The following POLR3F variants were observed in gnomAD, a reference collection of about 807,000 sequenced individuals.
POLR3F encodes the protein DNA-directed RNA polymerase III subunit RPC6.
In POLR3F, 31 loss-of-function variants were observed where a neutral mutation model predicts 43.6. The observed-to-expected ratio is 0.71, with a 90% confidence interval of 0.53 to 0.96. The LOEUF (loss-of-function observed/expected upper bound fraction) is 0.96, where lower values mean the gene tolerates loss of function less well. Among genes scored for constraint, POLR3F ranks in the 40% least tolerant of loss-of-function variants. The pLI is 0.00. For missense variants in POLR3F, 316 were observed against 391.7 expected, an observed-to-expected ratio of 0.81 and a Z score of 1.63; for synonymous variants, 114 against 132.5, an observed-to-expected ratio of 0.86 and a Z score of 0.96.
At chr20:18,481,158 A>G (rs759350037) in intron 7 of POLR3F, among the ~76,000 whole-genome samples, 5 of 152,144 alleles carry the variant, frequency 3.3e-5, no homozygotes, top group African/African-American at 4.8e-5. Context: ...AACTTGGCCT[A>G]TTGTTCCTCC....
At chr20:18,468,833 C>T in intron 1 of POLR3F, 111 bp from the exon 2 acceptor site, 1 of 659,826 alleles carries the variant, frequency 1.5e-6, no homozygotes, top group Non-Finnish European at 2.8e-6. Context: ...CCCAGATTGT[C>T]TGCCAAATGT....
intron 5 of POLR3F, among the ~76,000 whole-genome samples, chr20:18,478,296 G>C (rs1299514147): frequency 6.6e-6 from 1 of 151,474 alleles, no homozygotes; most frequent in Non-Finnish European, 1.5e-5. Flanking sequence ...GCTCACTGCA[G>C]CATCAACCTC....
chr20:18,473,823 T>C (rs2059766306), intron 4 of POLR3F, among the ~76,000 whole-genome samples: 1 of 152,208 alleles, frequency 6.6e-6, no homozygotes, highest in Non-Finnish European at 1.5e-5. Flanking sequence ...TTCTTTATCT[T>C]ATCTATAAAT....
At chr20:18,472,584 A>G (rs993725658) in intron 2 of POLR3F, among the ~76,000 whole-genome samples, 29 of 151,632 alleles carry the variant, frequency 1.9e-4, no homozygotes, top group Non-Finnish European at 3.7e-4. Context: ...TATTTTATAT[A>G]TGTAATTTGG....
intron 5 of POLR3F, among the ~76,000 whole-genome samples, chr20:18,475,499 A>G (rs1361434519): frequency 6.6e-6 from 1 of 152,218 alleles, no homozygotes; most frequent in Non-Finnish European, 1.5e-5. Context: ...CTCATTCAAC[A>G]AAGAGTGTTT....
chr20:18,468,203 A>G (rs768580572), intron 1 of POLR3F, among the ~76,000 whole-genome samples: 2 of 152,116 alleles, frequency 1.3e-5, no homozygotes, highest in African/African-American at 2.4e-5. Flanking sequence ...TAGCCTCCCG[A>G]GTAGCTGGGA....
chr20:18,469,862 C>G (rs1444667650), intron 2 of POLR3F, among the ~76,000 whole-genome samples: 1 of 152,158 alleles, frequency 6.6e-6, no homozygotes, highest in African/African-American at 2.4e-5. Context: ...ATATTCCACC[C>G]CCCGATTTTC....
intron 5 of POLR3F, among the ~76,000 whole-genome samples, chr20:18,475,679 C>T (rs2059776369): frequency 6.6e-6 from 1 of 152,174 alleles, no homozygotes; most frequent in Non-Finnish European, 1.5e-5. Context: ...CTGCCCCTGA[C>T]CTCACTGATT....
At chr20:18,482,549 G>T (rs1188346055) in intron 8 of POLR3F, among the ~76,000 whole-genome samples, 1 of 152,044 alleles carries the variant, frequency 6.6e-6, no homozygotes, top group Non-Finnish European at 1.5e-5. Context: ...AAGACATAGG[G>T]GCATACAGCT....
intron 5 of POLR3F, among the ~76,000 whole-genome samples, chr20:18,476,969 G>T (rs2059783638): frequency 6.6e-6 from 1 of 151,908 alleles, no homozygotes; most frequent in Non-Finnish European, 1.5e-5. Context: ...AGCTACTTGG[G>T]AGGCTGAGGC....
intron 2 of POLR3F, 94 bp from the exon 3 acceptor site, chr20:18,472,748 A>C (rs1428460183): frequency 1.5e-6 from 1 of 647,986 alleles, no homozygotes; most frequent in Non-Finnish European, 2.7e-6. Context: ...GTTTTGAAAA[A>C]TTAAGAATGT....
intron 8 of POLR3F, 45 bp downstream of exon 8, chr20:18,481,855 C>A: frequency 1.7e-6 from 2 of 1,192,806 alleles, no homozygotes; most frequent in Non-Finnish European, 2.5e-6. Flanking sequence ...CCCACGGGTG[C>A]AAGTGCCACA....
chr20:18,475,970 T>C (rs1038198716), intron 5 of POLR3F, among the ~76,000 whole-genome samples: 1 of 152,230 alleles, frequency 6.6e-6, no homozygotes, highest in African/African-American at 2.4e-5. Context: ...GTTTAATGGA[T>C]AATTTCAAAT....
chr20:18,475,022 T>C, intron 4 of POLR3F, 53 bp from the exon 5 acceptor site: 1 of 780,354 alleles, frequency 1.3e-6, no homozygotes, highest in African/African-American at 1.7e-5. Context: ...AGGAATAACA[T>C]TAAAAATCCA....
chr20:18,481,982 A>ACT (rs1491277739), intron 8 of POLR3F, among the ~76,000 whole-genome samples, 172 bp downstream of exon 8: 5 of 81,464 alleles, frequency 6.1e-5, no homozygotes, highest in African/African-American at 1.8e-4. Context: ...TCATTCCTTT[A>ACT]CTTTTTTTTT....
intron 7 of POLR3F, 136 bp from the exon 8 acceptor site, chr20:18,481,483 C>T: frequency 1.6e-6 from 1 of 625,308 alleles, no homozygotes; most frequent in Non-Finnish European, 2.9e-6. Flanking sequence ...AAGTGATCCA[C>T]CTGCCTCGGC....
intron 5 of POLR3F, among the ~76,000 whole-genome samples, chr20:18,477,638 G>A (rs1300510136): frequency 6.6e-6 from 1 of 152,180 alleles, no homozygotes; most frequent in East Asian, 1.9e-4. Context: ...GAAAAGATAT[G>A]AGTAAATCTT....
Position 18,468,985 on chromosome 20 carries a change from A to G in POLR3F, c.104A>G (p.Asp35Gly). Residue 35 changes from aspartate (D) to glycine (G), a missense_variant, in exon 2 of 9, where the codon GAC (aspartate) becomes GGC (glycine). Around this residue, in one of 3 missense-constraint regions of POLR3F, gnomAD observed 122 missense variants for 133.8 expected, o/e 0.91. Coordinates refer to ENST00000377603, the MANE Select transcript of POLR3F (RefSeq NM_006466.4). ...CACCAGTTCCCTCATGGAATCACAGACCAAGTAATTCAGAATGAAATGCCT... is the reference window on the plus strand; with the variant it reads ...CACCAGTTCCCTCATGGAATCACAGGCCAAGTAATTCAGAATGAAATGCCT... ...LCHQFPHGIT[D>G]QVIQNEMPHI... 6.3e-7 allele frequency: 1 copy of G among 1,591,434 alleles called. No homozygotes were observed. The highest frequency in any genetic ancestry group is 1.1e-5 in the South Asian group (1 of 90,614).
chr20:18,484,070 T>C lies in POLR3F; in HGVS notation c.*512T>C. The C allele has an allele frequency of 2.5e-6, 1 of 398,600 alleles. No homozygotes were observed. Among genetic ancestry groups the C allele is most frequent in the Non-Finnish European group, 4.4e-6 (1 of 226,064 alleles). The allele number at this position is 398,600 out of a possible 1,614,324, so 24.7% of individuals were successfully genotyped here. A position where few individuals can be genotyped will look rare whatever the true frequency, so the allele number is the denominator to read the frequency against. On this transcript the variant is annotated 3_prime_UTR_variant, in exon 9 of 9. Transcript: ENST00000377603. ...TAGCAAAGAGTGCAAACTTGGGGTA[T>C]GACTGGGGGAGAGTGGAACATGCCT... is the stretch of plus-strand genomic sequence containing the variant.
Sources: allele counts gnomAD v4.1 joint callset (sites outside exome capture counted in the v4.1 genomes callset), GRCh38; gene constraint gnomAD v4.1.1; regional missense constraint gnomAD v4.1.1; transcripts MANE v1.5; gene names NCBI Gene and HGNC (gene_info 2026-07-23, HGNC 2026-07-21).